CDIN1: variants seen among roughly 807,000 people sequenced by gnomAD.
CDIN1 encodes the protein CDAN1-interacting nuclease 1.
A neutral mutation model predicts 45.3 loss-of-function variants in CDIN1; 33 were observed. The ratio of observed to expected loss-of-function variants is 0.73; its 90% confidence interval spans 0.55 to 0.97. The LOEUF is 0.97. Ranked by LOEUF, CDIN1 falls within the 50% of genes least tolerant of loss-of-function variation. The pLI, the probability that CDIN1 is intolerant of heterozygous loss-of-function variation, is 0.00. For missense variants in CDIN1, 303 were observed against 339.4 expected, an observed-to-expected ratio of 0.89 and a Z score of 0.84; for synonymous variants, 118 against 124.4, an observed-to-expected ratio of 0.95 and a Z score of 0.34.
At chr15:36,605,670 C>T (rs1213923571) in intron 1 of CDIN1, among the ~76,000 whole-genome samples, 2 of 152,168 alleles carry the variant, frequency 1.3e-5, no homozygotes, top group East Asian at 3.8e-4. Flanking sequence ...TCCCCATTTA[C>T]ATCAGTGAAG....
chr15:36,662,854 GTTTTT>G (rs34007525), intron 5 of CDIN1, among the ~76,000 whole-genome samples: 1 of 122,944 alleles, frequency 8.1e-6, no homozygotes, highest in Non-Finnish European at 1.6e-5. Context: ...TCAGATTTTA[GTTTTT>G]TTTTTTTTTT....
chr15:36,680,719 C>T (rs1595462111), intron 5 of CDIN1, among the ~76,000 whole-genome samples: 1 of 152,092 alleles, frequency 6.6e-6, no homozygotes, highest in East Asian at 1.9e-4. Flanking sequence ...TAGAAAAACT[C>T]TACTTTCTTG....
chr15:36,635,772 A>G (rs962050733), intron 1 of CDIN1, among the ~76,000 whole-genome samples: 1 of 152,238 alleles, frequency 6.6e-6, no homozygotes, highest in Non-Finnish European at 1.5e-5. Flanking sequence ...GAAGAATCAA[A>G]TAGAAAATTT....
intron 1 of CDIN1, among the ~76,000 whole-genome samples, chr15:36,640,324 A>G (rs8039199): frequency 0.73 from 110,441 of 151,984 alleles, 40,213 homozygotes; most frequent in East Asian, 0.94. Flanking sequence ...ACTCTGAATC[A>G]TTAACTACAG....
At chr15:36,722,434 C>CTT (rs2043458274) in intron 10 of CDIN1, among the ~76,000 whole-genome samples, 2 of 151,894 alleles carry the variant, frequency 1.3e-5, no homozygotes, top group African/African-American at 4.8e-5. Context: ...AAAGGGCAGT[C>CTT]TTTAATATGT....
At chr15:36,697,602 G>A (rs994670810) in intron 8 of CDIN1, among the ~76,000 whole-genome samples, 13 of 152,070 alleles carry the variant, frequency 8.5e-5, no homozygotes, top group African/African-American at 3.1e-4. Context: ...TATAGAATAA[G>A]TGGCTGAAAA....
At chr15:36,626,874 G>A (rs1658185795) in intron 1 of CDIN1, 2 of 206,062 alleles carry the variant, frequency 9.7e-6, no homozygotes, top group Admixed American at 5.7e-5. Flanking sequence ...GGGACAATCT[G>A]GGCCATGTCT....
chr15:36,621,511 ATCACCTACTAGGTGAAAC>A (rs2039188878), intron 1 of CDIN1, among the ~76,000 whole-genome samples: 1 of 152,182 alleles, frequency 6.6e-6, no homozygotes, highest in Non-Finnish European at 1.5e-5. Flanking sequence ...TTTTTTAAAA[ATCACCTACTAGGTGAAAC>A]ATACAATGAA....
At position 36,809,863 on chromosome 15, in the gene CDIN1, G is replaced by C. The variant is rs541993677; in HGVS notation, c.*1410G>C. On this transcript the variant is annotated 3_prime_UTR_variant, in exon 11 of 11. Transcript: ENST00000566621. ...TTTTCCTTTTGAAGGACACAAACCT[G>C]GTCCCAACATGTGTGGATTTTAACT... 2 of 152,150 alleles carry C rather than the reference G, an allele frequency of 1.3e-5. No individual in the cohort carries two copies. The highest frequency in any genetic ancestry group is 2.1e-4 in the South Asian group (1 of 4,822). The allele number at this position is 152,150 out of a possible 1,614,324, so 9.4% of individuals were successfully genotyped here. A position where few individuals can be genotyped will look rare whatever the true frequency, so the allele number is the denominator to read the frequency against.
rs182471103 is a variant in CDIN1 at position 36,655,080 on chromosome 15, A to G, written c.273+922A>G. Among the ~76,000 whole-genome samples, 334 of 152,288 alleles carry G rather than the reference A, an allele frequency of 2.2e-3. 1 individual carries two copies. The highest frequency in any genetic ancestry group is 3.2e-3 in the Admixed American group (49 of 15,300). ...GTGTTGCAGTAGCAGCAAGTTCTAC[A>G]TGTTATATTAGCAAGGAAGGATGGC... On this transcript the variant is annotated intron_variant, in intron 4 of 10. Transcript: ENST00000566621.
chr15:36,654,247 T>C (rs1279290522), intron 4 of CDIN1, 89 bp downstream of exon 4: 12 of 1,053,678 alleles, frequency 1.1e-5, no homozygotes, highest in Non-Finnish European at 1.7e-5. Context: ...TAACTACCTT[T>C]GGAAAAAAAA....
At chr15:36,630,528 C>T (rs148881259) in intron 1 of CDIN1, among the ~76,000 whole-genome samples, 152 of 152,278 alleles carry the variant, frequency 1.0e-3, no homozygotes, top group African/African-American at 3.5e-3. Context: ...AGACAATATT[C>T]CCTATTGGTG....
At chr15:36,690,506 G>GAA (rs1373513208) in intron 5 of CDIN1, among the ~76,000 whole-genome samples, 9 of 151,994 alleles carry the variant, frequency 5.9e-5, no homozygotes, top group Non-Finnish European at 8.8e-5. Flanking sequence ...CTGACCTCAA[G>GAA]ATCCACCCGC....
At chr15:36,729,194 C>T (rs1483153375) in intron 10 of CDIN1, among the ~76,000 whole-genome samples, 1 of 151,840 alleles carries the variant, frequency 6.6e-6, no homozygotes, top group Middle Eastern at 3.2e-3. Flanking sequence ...CAGGACAGTA[C>T]CAATTGTGGA....
In CDIN1 at chr15:36,734,906, A is replaced by C. The variant is rs558491230; in HGVS notation, c.716+24945A>C. ...CCTTATTAAAATCTCCTGTGTCTAGACTTCCATTTAAAATGACACTAGTGA... is the reference window on the plus strand; with the variant it reads ...CCTTATTAAAATCTCCTGTGTCTAGCCTTCCATTTAAAATGACACTAGTGA... On this transcript the variant is annotated intron_variant, in intron 10 of 10. Coordinates refer to ENST00000566621, the MANE Select transcript of CDIN1 (RefSeq NM_001321759.2). 3.3e-5 allele frequency among the ~76,000 whole-genome samples: 5 copies of C among 152,286 alleles called. No homozygotes were observed. The East Asian group carries it at 9.6e-4, about 29-fold the overall frequency.
intron 5 of CDIN1, among the ~76,000 whole-genome samples, chr15:36,664,825 C>T: frequency 6.6e-6 from 1 of 152,194 alleles, no homozygotes; most frequent in Non-Finnish European, 1.5e-5. Flanking sequence ...GGATTACAGG[C>T]CTGAGCCACC....
intron 10 of CDIN1, among the ~76,000 whole-genome samples, chr15:36,714,919 G>T (rs895494392): frequency 6.6e-6 from 1 of 152,140 alleles, no homozygotes; most frequent in Non-Finnish European, 1.5e-5. Context: ...GAGGGAACAG[G>T]TGTCAGATGG....
chr15:36,663,155 T>C, intron 5 of CDIN1, among the ~76,000 whole-genome samples: 1 of 152,156 alleles, frequency 6.6e-6, no homozygotes, highest in South Asian at 2.1e-4. Flanking sequence ...GACAGAGAAC[T>C]CTATGAACAA....
intron 10 of CDIN1, among the ~76,000 whole-genome samples, chr15:36,756,664 C>A (rs1026098735): frequency 1.2e-4 from 18 of 152,224 alleles, no homozygotes; most frequent in Admixed American, 2.0e-4. Context: ...TAGTGAGAGA[C>A]CTTGGTGTGT....
Sources: gnomAD v4.1 joint callset for allele counts (sites outside exome capture counted in the v4.1 genomes callset) on GRCh38, gnomAD v4.1.1 for gene constraint, MANE v1.5 for transcripts, NCBI Gene and HGNC (gene_info 2026-07-23, HGNC 2026-07-21) for gene names.